NEXMIF: variants seen among roughly 807,000 people sequenced by gnomAD.
NEXMIF encodes the protein neurite extension and migration factor.
Under a neutral mutation model 62.1 loss-of-function variants are expected in NEXMIF, and 8 were observed. That is an observed-to-expected ratio of 0.13 (90% CI 0.08 to 0.23). The LOEUF (loss-of-function observed/expected upper bound fraction) is 0.23. Ranked by LOEUF, NEXMIF falls within the 10% of genes least tolerant of loss-of-function variation. NEXMIF has a pLI of 1.00. For missense variants in NEXMIF, 976 were observed against 1,113.3 expected (o/e 0.88, Z 1.75); for synonymous variants, 404 against 416.6 (o/e 0.97, Z 0.37).
intron 1 of NEXMIF, among the ~76,000 whole-genome samples, chrX:74,899,362 A>T (rs763311438): frequency 3.6e-5 from 4 of 112,022 alleles, no homozygotes; most frequent in Admixed American, 1.9e-4. Context: ...GTTAGAACTG[A>T]TCAATGAATT....
At chrX:74,755,183 T>G (rs1383045154) in intron 1 of NEXMIF, among the ~76,000 whole-genome samples, 1 of 112,650 alleles carries the variant, frequency 8.9e-6, no homozygotes, top group Non-Finnish European at 1.9e-5. Context: ...CTTGGCTATG[T>G]GGAAACAAAA....
At chrX:74,859,383 T>G (rs532883212) in intron 1 of NEXMIF, among the ~76,000 whole-genome samples, 7 of 111,403 alleles carry the variant, frequency 6.3e-5, no homozygotes, top group African/African-American at 2.3e-4. Flanking sequence ...GAAAATAACT[T>G]TTACCCTAAA....
At chrX:74,887,098 T>C (rs1322983339) in intron 1 of NEXMIF, among the ~76,000 whole-genome samples, 1 of 112,527 alleles carries the variant, frequency 8.9e-6, no homozygotes, top group Non-Finnish European at 1.9e-5. Flanking sequence ...GCTAGCCAGA[T>C]GTAGAAAGCT....
In NEXMIF at chrX:74,743,396, C is replaced by T. The variant is rs762881063; in HGVS notation, c.1161G>A (p.Glu387=). Residue 387 remains glutamate (E), a synonymous_variant, in exon 3 of 4, where the codon GAG becomes GAA. Coordinates refer to ENST00000055682, the MANE Select transcript of NEXMIF (RefSeq NM_001008537.3). The part of the protein sequence containing the change: ...DKNLDKKKGK[E]EGQEDKGVEK... ...CTACACCTTTGTCTTCCTGTCCTTC[C>T]TCTTTGCCTTTCTTCTTGTCCAAGT... 1 of 1,211,494 alleles carries T rather than the reference C, an allele frequency of 8.3e-7. No individual in the cohort carries two copies. The highest frequency in any genetic ancestry group is 1.8e-5 in the South Asian group (1 of 56,967).
intron 1 of NEXMIF, among the ~76,000 whole-genome samples, chrX:74,886,271 T>A (rs917342082): frequency 1.8e-5 from 2 of 111,781 alleles, no homozygotes; most frequent in African/African-American, 6.5e-5. Context: ...CCACTCCTAT[T>A]CAACATAGTG....
At chrX:74,816,821 C>T (rs764646758) in intron 1 of NEXMIF, among the ~76,000 whole-genome samples, 2 of 111,870 alleles carry the variant, frequency 1.8e-5, no homozygotes, top group South Asian at 7.5e-4. Flanking sequence ...GAGGACTTGG[C>T]AGGAAAATGG....
chrX:74,826,713 CTG>C (rs750060791), intron 1 of NEXMIF, among the ~76,000 whole-genome samples: 39 of 110,825 alleles, frequency 3.5e-4, no homozygotes, highest in Middle Eastern at 4.7e-3. Context: ...TAGTTTCCCC[CTG>C]TGTTTTTTTC....
intron 1 of NEXMIF, among the ~76,000 whole-genome samples, chrX:74,791,261 T>G (rs1365510835): frequency 5.4e-5 from 6 of 112,025 alleles, no homozygotes; most frequent in South Asian, 3.8e-4. Flanking sequence ...TTGGCTCTGT[T>G]TATGTGCTGG....
At chrX:74,783,160 T>C (rs1224361063) in intron 1 of NEXMIF, among the ~76,000 whole-genome samples, 1 of 111,321 alleles carries the variant, frequency 9.0e-6, no homozygotes, top group Non-Finnish European at 1.9e-5. Flanking sequence ...GAAGTTAAAA[T>C]TAATCTCTCT....
chrX:74,858,494 G>A (rs908921076), intron 1 of NEXMIF, among the ~76,000 whole-genome samples: 10 of 112,262 alleles, frequency 8.9e-5, no homozygotes, highest in Non-Finnish European at 1.7e-4. Context: ...TGCAGATACA[G>A]CATGGATCAC....
intron 1 of NEXMIF, among the ~76,000 whole-genome samples, chrX:74,851,609 C>T (rs1311669298): frequency 4.5e-5 from 5 of 110,653 alleles, no homozygotes; most frequent in African/African-American, 1.3e-4. Flanking sequence ...AAAATAACTG[C>T]CAGCCAAGGA....
chrX:74,838,824 G>T (rs2080465207), intron 1 of NEXMIF, among the ~76,000 whole-genome samples: 1 of 111,577 alleles, frequency 9.0e-6, no homozygotes, highest in African/African-American at 3.3e-5. Context: ...CATCATTATG[G>T]TATAAAGAAA....
At chrX:74,844,297 T>G (rs1025412700) in intron 1 of NEXMIF, among the ~76,000 whole-genome samples, 3 of 111,771 alleles carry the variant, frequency 2.7e-5, no homozygotes, top group Non-Finnish European at 5.6e-5. Flanking sequence ...AGGAGTTCTC[T>G]GTATTTCCTG....
At chrX:74,806,328 C>T (rs1415088976) in intron 1 of NEXMIF, among the ~76,000 whole-genome samples, 1 of 111,239 alleles carries the variant, frequency 9.0e-6, no homozygotes, top group African/African-American at 3.3e-5. Context: ...TGCTCAGTAC[C>T]TGGGTGATGA....
intron 1 of NEXMIF, among the ~76,000 whole-genome samples, chrX:74,888,047 C>A (rs1267587791): frequency 9.1e-6 from 1 of 109,711 alleles, no homozygotes; most frequent in South Asian, 3.9e-4. Context: ...GGACAAAAAA[C>A]CAAACACGGC....
At chrX:74,828,595 C>G (rs2080425868) in intron 1 of NEXMIF, among the ~76,000 whole-genome samples, 1 of 111,821 alleles carries the variant, frequency 8.9e-6, no homozygotes, top group South Asian at 3.7e-4. Context: ...TCAAAAATAG[C>G]AGACTTTAAG....
At chrX:74,886,913 C>T (rs1318351192) in intron 1 of NEXMIF, among the ~76,000 whole-genome samples, 1 of 108,916 alleles carries the variant, frequency 9.2e-6, no homozygotes, top group Non-Finnish European at 1.9e-5. Context: ...TACAAGGCTA[C>T]AGTAACCAAA....
intron 1 of NEXMIF, among the ~76,000 whole-genome samples, chrX:74,802,859 T>C (rs138496286): frequency 0.01 from 1,131 of 110,615 alleles, 10 homozygotes; most frequent in Non-Finnish European, 0.015. Flanking sequence ...TTAGCAGAGA[T>C]ATTAAAATAA....
intron 1 of NEXMIF, among the ~76,000 whole-genome samples, chrX:74,836,127 A>G (rs1407366835): frequency 8.9e-6 from 1 of 111,986 alleles, no homozygotes; most frequent in Non-Finnish European, 1.9e-5. Flanking sequence ...TGTTCCCTTA[A>G]AGCCTAAGGC....
Sources: gnomAD v4.1 joint callset for allele counts (sites outside exome capture counted in the v4.1 genomes callset) on GRCh38, gnomAD v4.1.1 for gene constraint, MANE v1.5 for transcripts, NCBI Gene and HGNC (gene_info 2026-07-23, HGNC 2026-07-21) for gene names.